Variants in DCAF8 observed in about 807,000 individuals in gnomAD.
The protein encoded by DCAF8 is DDB1- and CUL4-associated factor 8.
Under a neutral mutation model 68.0 loss-of-function variants are expected in DCAF8, and 20 were observed. That is an observed-to-expected ratio of 0.29 (90% CI 0.21 to 0.43). The LOEUF (loss-of-function observed/expected upper bound fraction) is 0.43. Among genes scored for constraint, DCAF8 ranks in the 20% least tolerant of loss-of-function variants. DCAF8 has a pLI of 1.00. For missense variants in DCAF8, 460 were observed against 771.0 expected (o/e 0.60, Z 4.78); for synonymous variants, 230 against 276.9 (o/e 0.83, Z 1.68).
intron 13 of DCAF8, chr1:160,218,063 C>G: frequency 1.9e-6 from 1 of 523,880 alleles, no homozygotes. Context: ...GTTATTTCTT[C>G]TCAATTCCCT....
At chr1:160,259,235 C>G (rs1441920205) in intron 2 of DCAF8, among the ~76,000 whole-genome samples, 1 of 152,106 alleles carries the variant, frequency 6.6e-6, no homozygotes, top group East Asian at 1.9e-4. Context: ...AGCTGTGGAG[C>G]TGAAAAAAGA....
chr1:160,244,117 G>A, intron 2 of DCAF8, 83 bp from the exon 3 acceptor site: 1 of 999,638 alleles, frequency 1.0e-6, no homozygotes, highest in South Asian at 1.3e-5. Flanking sequence ...ATTTAACAAT[G>A]TACAGGTTTT....
chr1:160,220,282 T>C (rs1655254205), intron 11 of DCAF8: 1 of 152,218 alleles, frequency 6.6e-6, no homozygotes, highest in Middle Eastern at 3.2e-3. Context: ...AACTTACATA[T>C]ACAAACCTGC....
chr1:160,218,706 G>T, intron 12 of DCAF8, 143 bp downstream of exon 12: 2 of 1,280,414 alleles, frequency 1.6e-6, no homozygotes, highest in South Asian at 2.9e-5. Context: ...TATTCCTACA[G>T]AGGAAATTAC....
In DCAF8 at chr1:160,241,534, G is replaced by A. The variant is rs1656117160; in HGVS notation, c.50-1164C>T. On this transcript the variant is annotated intron_variant, in intron 3 of 13. Coordinates refer to ENST00000368074, the MANE Select transcript of DCAF8 (RefSeq NM_015726.4). ...ATCTTATCTCCTATAACTACATACT[G>A]CATTCTCTTAACTCACAACAGTCAA... Among the ~76,000 whole-genome samples the A allele has an allele frequency of 2.6e-5, 4 of 152,142 alleles. No homozygotes were observed. In the South Asian group the frequency reaches 8.3e-4, roughly 32 times the overall value.
rs763692380 is a variant in DCAF8 at position 160,224,554 on chromosome 1, C to T, written c.1202-5G>A. 1 of 1,606,898 alleles carries T rather than the reference C, an allele frequency of 6.2e-7. No homozygotes were observed. Among genetic ancestry groups the T allele is most frequent in the African/African-American group, 1.3e-5 (1 of 74,814 alleles). On this transcript the variant is annotated splice_region_variant and splice_polypyrimidine_tract_variant and intron_variant, in intron 9 of 13. Coordinates refer to ENST00000368074, the MANE Select transcript of DCAF8 (RefSeq NM_015726.4). The stretch of plus-strand genomic sequence containing the variant: ...CATTGTAACTGGCCAGGAGCTCTGC[C>T]AAGAACAAGAACATAGCAGTGAAGG...
chr1:160,234,850 T>A (rs994938302), intron 6 of DCAF8, among the ~76,000 whole-genome samples: 1 of 152,182 alleles, frequency 6.6e-6, no homozygotes, highest in Admixed American at 6.5e-5. Context: ...CTTGTTCCAT[T>A]TCCACTATAA....
chr1:160,254,501 GT>G (rs111606935), intron 2 of DCAF8, among the ~76,000 whole-genome samples: 4 of 147,856 alleles, frequency 2.7e-5, no homozygotes, highest in East Asian at 2.0e-4. Flanking sequence ...AAAAGCCCTG[GT>G]TTTTTTTTTG....
rs139235747 is a variant in DCAF8 at position 160,260,200 on chromosome 1, G to A, written c.-27+1085C>T. 6.5e-3 allele frequency among the ~76,000 whole-genome samples: 994 copies of A among 152,214 alleles called. 11 individuals are homozygous for A. Among genetic ancestry groups the A allele is most frequent in the African/African-American group, 0.023 (941 of 41,528 alleles). On this transcript the variant is annotated intron_variant, in intron 2 of 13. Coordinates refer to ENST00000368074, the MANE Select transcript of DCAF8 (RefSeq NM_015726.4). ...TAACAATGACCCTGGGAGGTAAGTG[G>A]TATTATCACACTTTTAGAGTTGTGG...
intron 3 of DCAF8, among the ~76,000 whole-genome samples, chr1:160,242,390 T>TA (rs1490580634): frequency 3.9e-5 from 6 of 152,178 alleles, no homozygotes; most frequent in Non-Finnish European, 8.8e-5. Flanking sequence ...GTTTAGCAGT[T>TA]ACAGTTTTTT....
intron 2 of DCAF8, among the ~76,000 whole-genome samples, chr1:160,260,693 T>A (rs1166778343): frequency 6.6e-6 from 1 of 151,410 alleles, no homozygotes; most frequent in Non-Finnish European, 1.5e-5. Flanking sequence ...TCAGACCAGC[T>A]ACAAAAGAAA....
intron 5 of DCAF8, 107 bp from the exon 6 acceptor site, chr1:160,237,336 A>C: frequency 1.3e-6 from 1 of 741,526 alleles, no homozygotes; most frequent in East Asian, 2.8e-5. Context: ...TGTTCCAAAA[A>C]GAGAAATGTC....
At chr1:160,228,807 T>C (rs1359209105) in intron 7 of DCAF8, among the ~76,000 whole-genome samples, 2 of 152,216 alleles carry the variant, frequency 1.3e-5, no homozygotes, top group Non-Finnish European at 2.9e-5. Flanking sequence ...ATATATAATA[T>C]TCAGCAAAAA....
At chr1:160,243,913 C>A (rs1214293665) in intron 3 of DCAF8, 47 bp downstream of exon 3, 1 of 1,596,732 alleles carries the variant, frequency 6.3e-7, no homozygotes, top group Admixed American at 1.7e-5. Flanking sequence ...AGGAGGACAA[C>A]CTCAGTTGAT....
chr1:160,258,216 G>A (rs1264767793), intron 2 of DCAF8, among the ~76,000 whole-genome samples: 1 of 152,088 alleles, frequency 6.6e-6, no homozygotes, highest in Non-Finnish European at 1.5e-5. Flanking sequence ...GTACGGTGGC[G>A]TGCACCTGTA....
At chr1:160,239,118 A>G in intron 4 of DCAF8, 1 of 1,001,624 alleles carries the variant, frequency 1.0e-6, no homozygotes, top group Non-Finnish European at 1.2e-6. Context: ...AAATAGGGGG[A>G]ATGTCAGGGA....
chr1:160,228,017 A>G (rs1040491713), intron 7 of DCAF8, among the ~76,000 whole-genome samples: 2 of 152,102 alleles, frequency 1.3e-5, no homozygotes, highest in African/African-American at 4.8e-5. Flanking sequence ...CTGCCTCCCA[A>G]GTAGTTGGGA....
At chr1:160,262,265 G>C (rs1159733962) in intron 1 of DCAF8, 184 bp downstream of exon 1, 3 of 399,048 alleles carry the variant, frequency 7.5e-6, no homozygotes, top group Non-Finnish European at 1.3e-5. Flanking sequence ...GAGCCGGAAC[G>C]AGACACAGAC....
intron 6 of DCAF8, among the ~76,000 whole-genome samples, chr1:160,231,759 C>T (rs985329417): frequency 6.6e-6 from 1 of 152,192 alleles, no homozygotes; most frequent in African/African-American, 2.4e-5. Flanking sequence ...GACAATACTA[C>T]AGATACCTTC....
Sources: allele counts gnomAD v4.1 joint callset (sites outside exome capture counted in the v4.1 genomes callset), GRCh38; gene constraint gnomAD v4.1.1; transcripts MANE v1.5; gene names NCBI Gene and HGNC (gene_info 2026-07-23, HGNC 2026-07-21).